Variants in RETREG2 observed in about 807,000 individuals in gnomAD.
RETREG2 encodes reticulophagy regulator 2.
RETREG2 carries 21 observed loss-of-function variants against 51.6 expected under a neutral mutation model. The ratio of observed to expected loss-of-function variants is 0.41; its 90% CI spans 0.29 to 0.59. The LOEUF (loss-of-function observed/expected upper bound fraction) is 0.59, where lower values mean the gene tolerates loss of function less well. Ranked by LOEUF, RETREG2 falls within the 20% of genes least tolerant of loss-of-function variation. The probability of loss-of-function intolerance (pLI) is 0.34; values close to 1 mark genes in which losing one functional copy is unlikely to be tolerated. For synonymous variants in RETREG2, 339 were observed against 288.6 expected (o/e 1.17, Z -1.77); for missense variants, 674 against 646.0 (o/e 1.04, Z -0.47).
rs1950280674 is a variant in RETREG2, at chr2:219,181,623, C to T, written c.880-17C>T. Reference sequence around the variant, plus strand: ...TTATCCCCTCACATGTCGTGTTCATCCTGGTTCTCCTGCCAGGTGGATGTG... The same window carrying T: ...TTATCCCCTCACATGTCGTGTTCATTCTGGTTCTCCTGCCAGGTGGATGTG... On this transcript the variant is annotated splice_polypyrimidine_tract_variant and intron_variant, in intron 7 of 8. Transcript: ENST00000430297. 1 of 1,613,344 alleles carries T rather than the reference C, an allele frequency of 6.2e-7. No individual in the cohort carries two copies. Among genetic ancestry groups the T allele is most frequent in the Non-Finnish European group, 8.5e-7 (1 of 1,179,392 alleles).
rs553108323 is a variant in RETREG2 at position 219,184,123 on chromosome 2, C to G, written c.*1494C>G. ...TAAATTGTGGAGCCAGAACCCAAAC[C>G]CAAGAAGTTTTGGCTTCAGCAAATG... On this transcript the variant is annotated 3_prime_UTR_variant, in exon 9 of 9. Transcript: ENST00000430297. 1 of 152,304 alleles carries G rather than the reference C, an allele frequency of 6.6e-6. No individual in the cohort carries two copies. Among genetic ancestry groups the G allele is most frequent in the Non-Finnish European group, 1.5e-5 (1 of 68,028 alleles). 9.4% of individuals were successfully genotyped at this position (152,304 alleles called of 1,614,324 possible).
chr2:219,181,595 C>A, intron 7 of RETREG2, 45 bp from the exon 8 acceptor site: 1 of 1,608,164 alleles, frequency 6.2e-7, no homozygotes, highest in Non-Finnish European at 8.5e-7. Flanking sequence ...TAAATTGGTT[C>A]TCTTATCCCC....
intron 7 of RETREG2, 23 bp from the exon 8 acceptor site, chr2:219,181,617 G>C: frequency 6.2e-7 from 1 of 1,613,242 alleles, no homozygotes; most frequent in Non-Finnish European, 8.5e-7. Flanking sequence ...CACATGTCGT[G>C]TTCATCCTGG....
chr2:219,182,012 G>C lies in RETREG2; in HGVS notation c.1016-1G>C. ...TTCTTAATTCTTTGTTCTCTGCACA[G>C]ATTTGGACCAGCAGAGCCTGCCAAG... On this transcript the variant is annotated splice_acceptor_variant, in intron 8 of 8. Transcript: ENST00000430297. LOFTEE classifies it high-confidence loss of function. 1 of 1,613,476 alleles carries C rather than the reference G, an allele frequency of 6.2e-7. No individual in the cohort carries two copies. The highest frequency in any genetic ancestry group is 8.5e-7 in the Non-Finnish European group (1 of 1,179,538).
chr2:219,178,865 A>G lies in RETREG2; in HGVS notation c.282-57A>G. On this transcript the variant is annotated intron_variant, in intron 1 of 8. Transcript: ENST00000430297. ...AGTAGGCGCCTTTCCACCTTCTGAG[A>G]TGGATGCATGAGCCTGTCTCACCCA... The G allele has an allele frequency of 3.8e-6, 5 of 1,315,098 alleles. No individual in the cohort carries two copies. The South Asian group carries it at 5.2e-5, about 14-fold the overall frequency. The allele number at this position is 1,315,098 out of a possible 1,614,324, so 81.5% of individuals were successfully genotyped here. A position where few individuals can be genotyped will look rare whatever the true frequency, so the allele number is the denominator to read the frequency against.
At position 219,182,083 on chromosome 2, in the gene RETREG2, G is replaced by A. The variant is rs1950287545; in HGVS notation, c.1086G>A (p.Glu362=). ...GCCGGGACCTAGGGGAGGGAGAGGA[G>A]GGAGAGCTGGCCCCTCCCGAAGACC... is the stretch of plus-strand genomic sequence containing the variant. ...TLSRDLGEGE[E]GELAPPEDLL... The change falls in exon 9 of 9, where the codon GAG becomes GAA. Residue 362 remains glutamate (E), a synonymous_variant. Coordinates refer to ENST00000430297, the MANE Select transcript of RETREG2 (RefSeq NM_024293.6). 1 of 1,614,136 alleles carries A rather than the reference G, an allele frequency of 6.2e-7. No homozygotes were observed. The highest frequency in any genetic ancestry group is 1.3e-5 in the African/African-American group (1 of 75,030).
Position 219,178,703 on chromosome 2 carries a change from C to T in RETREG2, c.281+70C>T, listed in dbSNP as rs1039820292. On this transcript the variant is annotated intron_variant, in intron 1 of 8. Transcript: ENST00000430297. ...GGGAGGGGTCGAGAGCACCATTCCCCTTTCTGGGTTATCACTTGGCCTGGG... is the reference window on the plus strand; with the variant it reads ...GGGAGGGGTCGAGAGCACCATTCCCTTTTCTGGGTTATCACTTGGCCTGGG... 53 of 1,394,456 alleles carry T rather than the reference C, an allele frequency of 3.8e-5. No individual in the cohort carries two copies. In the South Asian group the frequency reaches 6.0e-4, roughly 16 times the overall value. The allele number at this position is 1,394,456 out of a possible 1,614,324, so 86.4% of individuals were successfully genotyped here.
chr2:219,181,950 TTGTC>T, intron 8 of RETREG2, 59 bp from the exon 9 acceptor site: 1 of 1,587,130 alleles, frequency 6.3e-7, no homozygotes, highest in Non-Finnish European at 8.6e-7. Flanking sequence ...CTTGAACTCA[TTGTC>T]TGTTGTGGCT....
rs376153710 is a variant in RETREG2 at position 219,180,624 on chromosome 2, C to T, written c.556-46C>T. ...TAGTTTCTTACCCAGCCGAGCGGGG[C>T]GCATATCTCAGCGTGATGTTCTTAG... On this transcript the variant is annotated intron_variant, in intron 4 of 8. Transcript: ENST00000430297. 4.7e-4 allele frequency: 760 copies of T among 1,613,678 alleles called. 8 individuals are homozygous for T. Among genetic ancestry groups the T allele is most frequent in the Non-Finnish European group, 1.3e-4 (154 of 1,179,940 alleles).
Position 219,184,789 on chromosome 2 carries a change from TTTG to T in RETREG2, c.*2172_*2174del, listed in dbSNP as rs1459123582. On this transcript the variant is annotated 3_prime_UTR_variant, in exon 9 of 9. Transcript: ENST00000430297. ...CTGGAGTTTCATGAGGGTCTATTCT[TTTG>T]TTGTTGTTGTTTTGGTTTTTTGTTT... 9 of 145,790 alleles carry T rather than the reference TTTG, an allele frequency of 6.2e-5. No homozygotes were observed. In the East Asian group the frequency reaches 1.0e-3, roughly 16 times the overall value. The allele number at this position is 145,790 out of a possible 1,614,324, so 9.0% of individuals were successfully genotyped here. A position where few individuals can be genotyped will look rare whatever the true frequency, so the allele number is the denominator to read the frequency against.
chr2:219,178,517 G>A lies in RETREG2; in HGVS notation c.165G>A (p.Thr55=). The A allele has an allele frequency of 7.1e-7, 1 of 1,409,438 alleles. No individual in the cohort carries two copies. The highest frequency in any genetic ancestry group is 9.2e-7 in the Non-Finnish European group (1 of 1,082,760). The allele number at this position is 1,409,438 out of a possible 1,614,324, so 87.3% of individuals were successfully genotyped here. ...TAEAVGRLAT[T]LWLRLRGWEA... ...AGGCGGTGGGACGCCTGGCCACGACGCTGTGGCTGCGGCTCCGCGGCTGGG... is the reference window on the plus strand; with the variant it reads ...AGGCGGTGGGACGCCTGGCCACGACACTGTGGCTGCGGCTCCGCGGCTGGG... Residue 55 remains threonine (T), a synonymous_variant, in exon 1 of 9, where the codon ACG becomes ACA. Coordinates refer to ENST00000430297, the MANE Select transcript of RETREG2 (RefSeq NM_024293.6).
In RETREG2 at chr2:219,185,094, T is replaced by G. The variant is rs1254559184; in HGVS notation, c.*2465T>G. 6.6e-6 allele frequency: 1 copy of G among 152,104 alleles called. No homozygotes were observed. The highest frequency in any genetic ancestry group is 6.6e-5 in the Admixed American group (1 of 15,266). The allele number at this position is 152,104 out of a possible 1,614,324, so 9.4% of individuals were successfully genotyped here. On this transcript the variant is annotated 3_prime_UTR_variant, in exon 9 of 9. Transcript: ENST00000430297. ...CACCCACCTCGGCCTCCCAAAGTGC[T>G]GGGATTACAGGTGTGAGCCACGGCG...
At chr2:219,179,615 C>T (rs753465653) in intron 2 of RETREG2, 118 bp from the exon 3 acceptor site, 91 of 886,282 alleles carry the variant, frequency 1.0e-4, no homozygotes, top group Non-Finnish European at 1.5e-4. Context: ...ACAGCTCCCC[C>T]ATTGGCATCT....
In RETREG2 at chr2:219,182,245, G is replaced by A. The variant is rs1470688516; in HGVS notation, c.1248G>A (p.Gly416=). 6.2e-7 allele frequency: 1 copy of A among 1,614,120 alleles called. No homozygotes were observed. The highest frequency in any genetic ancestry group is 8.5e-7 in the Non-Finnish European group (1 of 1,180,020). Residue 416 remains glycine, a synonymous_variant, in exon 9 of 9, where the codon GGG becomes GGA. Coordinates refer to ENST00000430297, the MANE Select transcript of RETREG2 (RefSeq NM_024293.6). The part of the protein sequence containing the change: ...HFVNTHFNGA[G]SPPDGVKCSP... ...TGAACACGCACTTCAATGGGGCAGG[G>A]TCCCCCCCAGATGGAGTGAAATGCT... is the stretch of plus-strand genomic sequence containing the variant.
In RETREG2 at chr2:219,181,160, A is replaced by G. The variant is rs1950272690; in HGVS notation, c.739A>G (p.Met247Val). The change falls in exon 6 of 9, where the codon ATG (methionine) becomes GTG (valine). Residue 247 changes from methionine to valine, a missense_variant. Coordinates refer to ENST00000430297, the MANE Select transcript of RETREG2 (RefSeq NM_024293.6). Reference protein sequence around the residue: ...EPLLMQLDYSMKAEANALHHK... With the variant: ...EPLLMQLDYSVKAEANALHHK... ...CCTGCTCATGCAGCTGGACTACAGC[A>G]TGAAGGCAGAAGCCAATGCCCTGCA... 6.2e-7 allele frequency: 1 copy of G among 1,614,080 alleles called. No individual in the cohort carries two copies. Among genetic ancestry groups the G allele is most frequent in the Non-Finnish European group, 8.5e-7 (1 of 1,180,046 alleles).
At chr2:219,179,712 G>GC (rs1272679679) in intron 2 of RETREG2, 21 bp from the exon 3 acceptor site, 2 of 1,613,304 alleles carry the variant, frequency 1.2e-6, no homozygotes, top group Admixed American at 3.3e-5. Context: ...TCAATAATTT[G>GC]CCCCCCTCCT....
rs956246026 is a variant in RETREG2 at position 219,181,053 on chromosome 2, A to G, written c.641-9A>G. 6.2e-7 allele frequency: 1 copy of G among 1,613,778 alleles called. No homozygotes were observed. The highest frequency in any genetic ancestry group is 2.2e-5 in the East Asian group (1 of 44,888). ...TAGGGAGCTCTTAGTTCACGTTCTT[A>G]ACCCATAGTGTTGAGTATCCTGCTG... On this transcript the variant is annotated splice_polypyrimidine_tract_variant and intron_variant, in intron 5 of 8. Coordinates refer to ENST00000430297, the MANE Select transcript of RETREG2 (RefSeq NM_024293.6).
rs1049812812 is a variant in RETREG2, at chr2:219,180,616, G to A, written c.556-54G>A. 2.2e-5 allele frequency: 35 copies of A among 1,613,166 alleles called. 1 individual carries two copies. The Middle Eastern group carries it at 5.2e-4, about 24-fold the overall frequency. On this transcript the variant is annotated intron_variant, in intron 4 of 8. Transcript: ENST00000430297. Reference sequence around the variant, plus strand: ...CTGAGCAGTAGTTTCTTACCCAGCCGAGCGGGGCGCATATCTCAGCGTGAT... The same window carrying A: ...CTGAGCAGTAGTTTCTTACCCAGCCAAGCGGGGCGCATATCTCAGCGTGAT...
rs1186990675 is a variant in RETREG2 at position 219,179,746 on chromosome 2, G to A, written c.402G>A (p.Glu134=). The A allele has an allele frequency of 5.0e-6, 8 of 1,613,972 alleles. No homozygotes were observed. Among genetic ancestry groups the A allele is most frequent in the Non-Finnish European group, 6.8e-6 (8 of 1,179,994 alleles). ...CTCTCTCTCTAGCATCATCCCCAGA[G>A]GAGCCACACTCTGACAGGTGAGTAC... ...FLPDVSASSP[E]EPHSDSEGAG... is the part of the protein sequence containing the mutation. Residue 134 remains glutamate (E), a synonymous_variant, in exon 3 of 9, where the codon GAG becomes GAA. Coordinates refer to ENST00000430297, the MANE Select transcript of RETREG2 (RefSeq NM_024293.6).
Sources: gnomAD v4.1 joint callset for allele counts on GRCh38, gnomAD v4.1.1 for gene constraint, MANE v1.5 for transcripts, NCBI Gene and HGNC (gene_info 2026-07-23, HGNC 2026-07-21) for gene names.